Variants in PRLR observed in about 807,000 individuals in gnomAD.
PRLR encodes the protein hPRL receptor.
Under a neutral mutation model 40.2 loss-of-function variants are expected in PRLR, and 13 were observed. The ratio of observed to expected loss-of-function variants is 0.32; its 90% CI spans 0.21 to 0.51. PRLR has a LOEUF of 0.51. PRLR is among the 20% of genes least tolerant of loss of function. The probability of loss-of-function intolerance (pLI) is 0.97; values close to 1 mark genes in which losing one functional copy is unlikely to be tolerated. For missense variants in PRLR, 656 were observed against 747.3 expected (o/e 0.88, Z 1.42); for synonymous variants, 269 against 278.7 (o/e 0.97, Z 0.35).
chr5:35,207,978 T>C (rs1259128816), intron 1 of PRLR, among the ~76,000 whole-genome samples: 2 of 152,110 alleles, frequency 1.3e-5, no homozygotes, highest in Admixed American at 1.3e-4. Context: ...ATTAGATTAT[T>C]CTGGAATAGA....
chr5:35,133,382 G>T (rs1773747898), intron 1 of PRLR, among the ~76,000 whole-genome samples: 1 of 152,090 alleles, frequency 6.6e-6, no homozygotes, highest in Non-Finnish European at 1.5e-5. Context: ...CACAGGCCCT[G>T]AAAAGCCATG....
At chr5:35,120,824 C>G (rs2111728930) in intron 1 of PRLR, among the ~76,000 whole-genome samples, 1 of 152,266 alleles carries the variant, frequency 6.6e-6, no homozygotes, top group South Asian at 2.1e-4. Context: ...TCACATAAAG[C>G]AGAAGTTGAG....
chr5:35,196,356 A>G (rs1350230280), intron 1 of PRLR, among the ~76,000 whole-genome samples: 1 of 152,236 alleles, frequency 6.6e-6, no homozygotes, highest in African/African-American at 2.4e-5. Context: ...AGCAAAGGGA[A>G]TAAAAAATAG....
intron 1 of PRLR, among the ~76,000 whole-genome samples, chr5:35,160,268 AAC>A (rs10573625): frequency 0.91 from 137,773 of 152,162 alleles, 63,522 homozygotes; most frequent in Non-Finnish European, 0.99. Flanking sequence ...GTTCCACTGG[AAC>A]ACAGTCATGC....
chr5:35,210,235 A>G (rs1388485117), intron 1 of PRLR, among the ~76,000 whole-genome samples: 2 of 152,188 alleles, frequency 1.3e-5, no homozygotes, highest in African/African-American at 4.8e-5. Flanking sequence ...CATACTTATA[A>G]ATGCAATTGA....
In PRLR at chr5:35,068,261, T is replaced by C; in HGVS notation, c.810A>G (p.Pro270=). 6.2e-7 allele frequency: 1 copy of C among 1,613,368 alleles called. No individual in the cohort carries two copies. Among genetic ancestry groups the C allele is most frequent in the Non-Finnish European group, 8.5e-7 (1 of 1,179,332 alleles). ...ATCCTTTTATTTTTGGCCCAGGAAC[T>C]GGCGGAAAGATGCAGGTCACCATGC... ...GYSMVTCIFP[P]VPGPKIKGFD... The change falls in exon 9 of 10, where the codon CCA becomes CCG. Residue 270 remains proline (P), a synonymous_variant. Coordinates refer to ENST00000618457, the MANE Select transcript of PRLR (RefSeq NM_000949.7).
intron 2 of PRLR, among the ~76,000 whole-genome samples, chr5:35,089,871 C>T (rs1771094561): frequency 1.3e-5 from 2 of 152,152 alleles, no homozygotes; most frequent in African/African-American, 4.8e-5. Flanking sequence ...ATTTCCACCA[C>T]CAGAGGTCCT....
chr5:35,100,871 C>T (rs1234863119), intron 2 of PRLR, among the ~76,000 whole-genome samples: 1 of 152,160 alleles, frequency 6.6e-6, no homozygotes, highest in Non-Finnish European at 1.5e-5. Context: ...ATGAAAGGCT[C>T]TTGAGTTCAT....
chr5:35,110,222 TG>T (rs1261834966), intron 2 of PRLR, among the ~76,000 whole-genome samples: 1 of 151,818 alleles, frequency 6.6e-6, no homozygotes, highest in Non-Finnish European at 1.5e-5. Context: ...TGTCATTGGA[TG>T]GGGGGAGGGG....
At chr5:35,156,133 AAAAAAAC>A (rs1332640804) in intron 1 of PRLR, among the ~76,000 whole-genome samples, 1 of 149,730 alleles carries the variant, frequency 6.7e-6, no homozygotes, top group Non-Finnish European at 1.5e-5. Flanking sequence ...AAGATAAAAA[AAAAAAAC>A]AAAAAAAAAA....
chr5:35,081,778 A>AC (rs1561278970), intron 5 of PRLR: 253 of 136,816 alleles, frequency 1.8e-3, no homozygotes, highest in Middle Eastern at 3.6e-3. Context: ...GCAATACACA[A>AC]ACACACACAC....
Position 35,056,430 on chromosome 5 carries a change from C to T in PRLR, c.*8659G>A, listed in dbSNP as rs1345253229. ...ATTTCTTATCCTTCTCCCTAGTCCC[C>T]CCACTGCTCCCTTACCCCAAGATTT... On this transcript the variant is annotated 3_prime_UTR_variant, in exon 10 of 10. Coordinates refer to ENST00000618457, the MANE Select transcript of PRLR (RefSeq NM_000949.7). 1 of 152,068 alleles carries T rather than the reference C, an allele frequency of 6.6e-6. No individual in the cohort carries two copies. The highest frequency in any genetic ancestry group is 2.4e-5 in the African/African-American group (1 of 41,386). The allele number at this position is 152,068 out of a possible 1,614,324, so 9.4% of individuals were successfully genotyped here.
rs534398516 is a variant in PRLR, at chr5:35,065,803, A to G, written c.1155T>C (p.Asn385=). The change falls in exon 10 of 10, where the codon AAT becomes AAC. Residue 385 remains asparagine (N), a synonymous_variant. Coordinates refer to ENST00000618457, the MANE Select transcript of PRLR (RefSeq NM_000949.7). Reference sequence around the variant, plus strand: ...GGTCCCAGGTGTGGGTTGTTTCAGGATTCTCTGGCTTCTCAATGACCTCAG... The same window carrying G: ...GGTCCCAGGTGTGGGTTGTTTCAGGGTTCTCTGGCTTCTCAATGACCTCAG... ...YDPEVIEKPE[N]PETTHTWDPQ... The G allele has an allele frequency of 2.3e-4, 378 of 1,613,984 alleles. 6 individuals are homozygous for G. The South Asian group carries it at 4.1e-3, about 17-fold the overall frequency.
At chr5:35,223,134 C>T (rs1776465120) in intron 1 of PRLR, among the ~76,000 whole-genome samples, 1 of 152,234 alleles carries the variant, frequency 6.6e-6, no homozygotes, top group African/African-American at 2.4e-5. Context: ...TAAAAGACTA[C>T]ATACAAATGT....
chr5:35,204,585 A>C (rs2111619002), intron 1 of PRLR, among the ~76,000 whole-genome samples: 1 of 152,298 alleles, frequency 6.6e-6, no homozygotes, highest in African/African-American at 2.4e-5. Flanking sequence ...CCAGTTTCAA[A>C]GGATTTCCTG....
intron 1 of PRLR, among the ~76,000 whole-genome samples, chr5:35,216,271 C>CTATTAAAATGCAAATTCTGG (rs1776286009): frequency 6.6e-6 from 1 of 152,026 alleles, no homozygotes; most frequent in African/African-American, 2.4e-5. Flanking sequence ...GAGGTTGAAC[C>CTATTAAAATGCAAATTCTGG]AAGTGCTCAT....
intron 1 of PRLR, among the ~76,000 whole-genome samples, chr5:35,199,496 C>T (rs1775822725): frequency 1.3e-5 from 2 of 152,038 alleles, no homozygotes; most frequent in South Asian, 4.1e-4. Context: ...ATTTTCACAG[C>T]TATCAATTTA....
chr5:35,139,819 T>C (rs1561329167), intron 1 of PRLR, among the ~76,000 whole-genome samples: 2 of 152,202 alleles, frequency 1.3e-5, no homozygotes, highest in Non-Finnish European at 2.9e-5. Flanking sequence ...CCATTATCAG[T>C]TCTCCTAATA....
At chr5:35,166,680 T>G (rs1579754984) in intron 1 of PRLR, among the ~76,000 whole-genome samples, 1 of 152,200 alleles carries the variant, frequency 6.6e-6, no homozygotes, top group South Asian at 2.1e-4. Flanking sequence ...CCACAAAAAA[T>G]GAGGGTAGAC....
Sources: gnomAD v4.1 joint callset for allele counts (sites outside exome capture counted in the v4.1 genomes callset) on GRCh38, gnomAD v4.1.1 for gene constraint, MANE v1.5 for transcripts, NCBI Gene and HGNC (gene_info 2026-07-23, HGNC 2026-07-21) for gene names.